The following BOD1L1 variants were observed in gnomAD, a reference collection of about 807,000 sequenced individuals.
The protein encoded by BOD1L1 is biorientation of chromosomes in cell division protein 1-like 1.
BOD1L1 carries 86 observed loss-of-function variants against 240.7 expected under a neutral mutation model. That is an observed-to-expected ratio of 0.36 (90% CI 0.30 to 0.43). The LOEUF is 0.43. BOD1L1 is among the 20% of genes least tolerant of loss of function. The probability of loss-of-function intolerance (pLI) is 1.00; values close to 1 mark genes in which losing one functional copy is unlikely to be tolerated. For synonymous variants in BOD1L1, 1,268 were observed against 1,272.3 expected (o/e 1.00, Z 0.07); for missense variants, 3,554 against 3,643.5 (o/e 0.98, Z 0.63).
Position 13,599,339 on chromosome 4 carries a change from C to T in BOD1L1, c.7561G>A (p.Val2521Ile), listed in dbSNP as rs1257183670. Residue 2521 changes from valine (V) to isoleucine (I), a missense_variant, in exon 10 of 26, where the codon GTC becomes ATC. Coordinates refer to ENST00000040738, the MANE Select transcript of BOD1L1 (RefSeq NM_148894.3). ...TSGQTAKDPS[V>I]SIRYLAAVNT... Reference sequence around the variant, plus strand: ...ACTGCTGCCAAATAGCGAATGCTGACAGAGGGATCCTTAGCCGTCTGCCCA... The same window carrying T: ...ACTGCTGCCAAATAGCGAATGCTGATAGAGGGATCCTTAGCCGTCTGCCCA... 1.2e-6 allele frequency: 2 copies of T among 1,613,480 alleles called. No individual in the cohort carries two copies. Among genetic ancestry groups the T allele is most frequent in the African/African-American group, 2.7e-5 (2 of 74,628 alleles).
In BOD1L1 at chr4:13,600,883, C is replaced by G. The variant is rs756018742; in HGVS notation, c.6017G>C (p.Gly2006Ala). The G allele has an allele frequency of 6.2e-7, 1 of 1,613,926 alleles. No homozygotes were observed. Among genetic ancestry groups the G allele is most frequent in the African/African-American group, 1.3e-5 (1 of 75,042 alleles). ...ACCAGATACAAGAACATCGTAACTA[C>G]CCCCGACCAGGCCAGTGGAAATAGT... ...DTTISTGLVGGSYDVLVSGEV... is the reference protein window; with the variant it reads ...DTTISTGLVGASYDVLVSGEV... The change falls in exon 10 of 26, where the codon GGT becomes GCT. Residue 2006 changes from glycine (G) to alanine (A), a missense_variant. Transcript: ENST00000040738.
chr4:13,601,033 C>G lies in BOD1L1; in HGVS notation c.5867G>C (p.Ser1956Thr). ...TCCTGAGACTGCACTGGTCACACTG[C>G]TTTCTACAATCCCTTTTGCACTGGA... The part of the protein sequence containing the change: ...ICSSAKGIVE[S>T]SVTSAVSGKD... Residue 1956 changes from serine (S) to threonine (T), a missense_variant, in exon 10 of 26, where the codon AGC (serine) becomes ACC (threonine). Physicochemically the swap from Ser to Thr is moderately conservative, Grantham distance 58. This residue lies in a region of BOD1L1 where 3,393 missense variants were observed against 3,427.1 expected (regional missense o/e 0.99). Coordinates refer to ENST00000040738, the MANE Select transcript of BOD1L1 (RefSeq NM_148894.3). The G allele has an allele frequency of 6.2e-7, 1 of 1,614,032 alleles. No homozygotes were observed. Among genetic ancestry groups the G allele is most frequent in the East Asian group, 2.2e-5 (1 of 44,888 alleles).
Position 13,595,885 on chromosome 4 carries a change from C to T in BOD1L1, c.8079G>A (p.Leu2693=), listed in dbSNP as rs1219259438. The T allele has an allele frequency of 1.2e-6, 2 of 1,613,756 alleles. No homozygotes were observed. The highest frequency in any genetic ancestry group is 3.3e-5 in the Admixed American group (2 of 60,018). Reference sequence around the variant, plus strand: ...CTATTCCACTTGGCTTTCCCCCACACAGACTTTCTGGTGGTGCCAGAATTT... The same window carrying T: ...CTATTCCACTTGGCTTTCCCCCACATAGACTTTCTGGTGGTGCCAGAATTT... ...NGEILAPPES[L]CGGKPSGIAE... is the part of the protein sequence containing the mutation. Residue 2693 remains leucine, a synonymous_variant, in exon 12 of 26, where the codon CTG becomes CTA. Transcript: ENST00000040738.
intron 12 of BOD1L1, 105 bp from the exon 13 acceptor site, chr4:13,592,071 C>A: frequency 1.3e-6 from 1 of 748,890 alleles, no homozygotes; most frequent in South Asian, 2.0e-5. Flanking sequence ...CCTATGTCAC[C>A]AAGTGGCTTA....
chr4:13,601,088 C>G lies in BOD1L1; in HGVS notation c.5812G>C (p.Glu1938Gln). 6.2e-7 allele frequency: 1 copy of G among 1,613,966 alleles called. No individual in the cohort carries two copies. Among genetic ancestry groups the G allele is most frequent in the Non-Finnish European group, 8.5e-7 (1 of 1,179,896 alleles). The change falls in exon 10 of 26, where the codon GAG becomes CAG. Residue 1938 changes from glutamate (E) to glutamine (Q), a missense_variant. By Grantham distance (29) the Glu-to-Gln change is conservative. Around this residue, in one of 2 missense-constraint regions of BOD1L1, gnomAD observed 3,393 missense variants for 3,427.1 expected, o/e 0.99. Transcript: ENST00000040738. ...ENNVDSMSGT[E>Q]KGSKDTDICS... ...ATATCTGTGTCTTTACTTCCTTTCTCTGTGCCACTCATGCTGTCAACATTA... is the reference window on the plus strand; with the variant it reads ...ATATCTGTGTCTTTACTTCCTTTCTGTGTGCCACTCATGCTGTCAACATTA...
chr4:13,593,697 T>C (rs1714399431), intron 12 of BOD1L1, among the ~76,000 whole-genome samples: 1 of 152,188 alleles, frequency 6.6e-6, no homozygotes, highest in African/African-American at 2.4e-5. Flanking sequence ...TTTCAGTGAA[T>C]GACTTACTTC....
At chr4:13,584,785 T>C (rs1357848826) in intron 17 of BOD1L1, among the ~76,000 whole-genome samples, 4 of 152,190 alleles carry the variant, frequency 2.6e-5, no homozygotes. Context: ...GGTCTTACTA[T>C]ACACATTTTA....
chr4:13,582,795 T>C, intron 17 of BOD1L1, 59 bp from the exon 18 acceptor site: 1 of 1,153,412 alleles, frequency 8.7e-7, no homozygotes, highest in South Asian at 1.3e-5. Context: ...CGTCCATTCA[T>C]CCTCCCCACA....
At chr4:13,586,019 GAGAGCAGAGTACTAAT>G (rs1713658737) in intron 17 of BOD1L1, among the ~76,000 whole-genome samples, 1 of 152,194 alleles carries the variant, frequency 6.6e-6, no homozygotes, top group African/African-American at 2.4e-5. Flanking sequence ...AGGTAAGCTA[GAGAGCAGAGTACTAAT>G]AATAACTGTA....
intron 5 of BOD1L1, among the ~76,000 whole-genome samples, chr4:13,612,454 A>G (rs1344980705): frequency 6.6e-6 from 1 of 152,192 alleles, no homozygotes; most frequent in Admixed American, 6.5e-5. Flanking sequence ...CACTAGCTAC[A>G]TGACTGGACA....
intron 12 of BOD1L1, 60 bp downstream of exon 12, chr4:13,595,800 G>T: frequency 7.0e-7 from 1 of 1,423,350 alleles, no homozygotes; most frequent in Non-Finnish European, 9.8e-7. Flanking sequence ...TTTTAGAAAG[G>T]TAAAACCACA....
intron 25 of BOD1L1, among the ~76,000 whole-genome samples, chr4:13,576,539 A>C (rs560524527): frequency 1.6e-4 from 25 of 152,316 alleles, no homozygotes; most frequent in Admixed American, 1.4e-3. Context: ...ATGGTGCTCA[A>C]TACGACATCT....
Position 13,603,434 on chromosome 4 carries a change from G to T in BOD1L1, c.3466C>A (p.Gln1156Lys). The T allele has an allele frequency of 6.2e-7, 1 of 1,613,034 alleles. No homozygotes were observed. Among genetic ancestry groups the T allele is most frequent in the Non-Finnish European group, 8.5e-7 (1 of 1,179,642 alleles). The change falls in exon 10 of 26, where the codon CAA becomes AAA. Residue 1156 changes from glutamine to lysine, a missense_variant. Transcript: ENST00000040738. Reference protein sequence around the residue: ...QQDIDSENMKQKTSATVQKDE... With the variant: ...QQDIDSENMKKKTSATVQKDE... ...TTTTGAACAGTGGCAGAAGTTTTTT[G>T]TTTCATATTTTCAGAGTCAATGTCT...
rs202045508 is a variant in BOD1L1 at position 13,601,437 on chromosome 4, T to A, written c.5463A>T (p.Glu1821Asp). ...DSSEGFAISS[E>D]SEENGESAMD... is the part of the protein sequence containing the mutation. ...TTGCACTCTCTCCATTTTCTTCCGA[T>A]TCAGAACTTATAGCAAAGCCTTCGC... The change falls in exon 10 of 26, where the codon GAA becomes GAT. Residue 1821 changes from glutamate to aspartate, a missense_variant. Coordinates refer to ENST00000040738, the MANE Select transcript of BOD1L1 (RefSeq NM_148894.3). The A allele has an allele frequency of 1.2e-6, 2 of 1,613,952 alleles. No individual in the cohort carries two copies. Among genetic ancestry groups the A allele is most frequent in the African/African-American group, 2.7e-5 (2 of 74,938 alleles).
Position 13,599,814 on chromosome 4 carries a change from G to A in BOD1L1, c.7086C>T (p.Asp2362=), listed in dbSNP as rs745422752. The A allele has an allele frequency of 6.2e-7, 1 of 1,614,010 alleles. No homozygotes were observed. Among genetic ancestry groups the A allele is most frequent in the Non-Finnish European group, 8.5e-7 (1 of 1,179,900 alleles). The change falls in exon 10 of 26, where the codon GAC becomes GAT. Residue 2362 remains aspartate (D), a synonymous_variant. Transcript: ENST00000040738. The stretch of plus-strand genomic sequence containing the variant: ...GCTTGCTCACTTCTGTGGCTGACAG[G>A]TCACCGTTCCCTTCTGGGTTGTCTG... ...LTADNPEGNG[D]LSATEVSKHK...
At chr4:13,595,627 G>C (rs17745530) in intron 12 of BOD1L1, among the ~76,000 whole-genome samples, 18,473 of 152,180 alleles carry the variant, frequency 0.12, 1,461 homozygotes, top group Middle Eastern at 0.21. Flanking sequence ...TTATTATTTG[G>C]GGGTAATCAG....
In BOD1L1 at chr4:13,595,835, T is replaced by G. The variant is rs369661145; in HGVS notation, c.8104+25A>C. 6 of 1,593,874 alleles carry G rather than the reference T, an allele frequency of 3.8e-6. No homozygotes were observed. The African/African-American group carries it at 6.7e-5, about 18-fold the overall frequency. Reference sequence around the variant, plus strand: ...ATGCAAGGCAAAAACAAAAACAATGTGAACAACCATTCTAAAGAGCTCACC... The same window carrying G: ...ATGCAAGGCAAAAACAAAAACAATGGGAACAACCATTCTAAAGAGCTCACC... On this transcript the variant is annotated intron_variant, in intron 12 of 25. Transcript: ENST00000040738.
chr4:13,595,932 A>C lies in BOD1L1; in HGVS notation c.8032T>G (p.Ser2678Ala). 6.2e-7 allele frequency: 1 copy of C among 1,613,686 alleles called. No individual in the cohort carries two copies. The highest frequency in any genetic ancestry group is 8.5e-7 in the Non-Finnish European group (1 of 1,179,834). Reference sequence around the variant, plus strand: ...ATTTCACCATTTTTCTCTTCCTCTGAAGGCACATAAGCCTAAAAAATCCAA... The same window carrying C: ...ATTTCACCATTTTTCTCTTCCTCTGCAGGCACATAAGCCTAAAAAATCCAA... Reference protein sequence around the residue: ...ANLKMEAYVPSEEEKNGEILA... With the variant: ...ANLKMEAYVPAEEEKNGEILA... The change falls in exon 12 of 26, where the codon TCA (serine) becomes GCA (alanine). Residue 2678 changes from serine (S) to alanine (A), a missense_variant. Physicochemically the swap from Ser to Ala is moderately conservative, Grantham distance 99. Around this residue, in one of 2 missense-constraint regions of BOD1L1, gnomAD observed 3,393 missense variants for 3,427.1 expected, o/e 0.99. Coordinates refer to ENST00000040738, the MANE Select transcript of BOD1L1 (RefSeq NM_148894.3).
rs1278089489 is a variant in BOD1L1 at position 13,604,769 on chromosome 4, G to A, written c.2131C>T (p.Pro711Ser). 6.2e-7 allele frequency: 1 copy of A among 1,613,388 alleles called. No individual in the cohort carries two copies. Among genetic ancestry groups the A allele is most frequent in the Non-Finnish European group, 8.5e-7 (1 of 1,179,692 alleles). The stretch of plus-strand genomic sequence containing the variant: ...TTCTTAAGTAGGCTTTTCAAATGTG[G>A]TGTTTCAGAATCATCTTTCTTTAGA... ...KHLKKDDSET[P>S]HLKSLLKKEV... The change falls in exon 10 of 26, where the codon CCA (proline) becomes TCA (serine). Residue 711 changes from proline (P) to serine (S), a missense_variant. Pro to Ser is a moderately conservative substitution (Grantham distance 74, BLOSUM62 -1). Coordinates refer to ENST00000040738, the MANE Select transcript of BOD1L1 (RefSeq NM_148894.3).
Sources: allele counts gnomAD v4.1 joint callset (sites outside exome capture counted in the v4.1 genomes callset), GRCh38; gene constraint gnomAD v4.1.1; regional missense constraint gnomAD v4.1.1; transcripts MANE v1.5; gene names NCBI Gene and HGNC (gene_info 2026-07-23, HGNC 2026-07-21).